Variants in CLNK observed in about 807,000 individuals in gnomAD.
CLNK encodes the protein cytokine dependent hematopoietic cell linker.
A neutral mutation model predicts 68.6 loss-of-function variants in CLNK; 74 were observed. That is an observed-to-expected ratio of 1.08 (90% CI 0.89 to 1.31). The LOEUF is 1.31. Among genes scored for constraint, CLNK ranks in the 50% most tolerant of loss-of-function variants. The pLI, the probability that CLNK is intolerant of heterozygous loss-of-function variation, is 0.00. For missense variants in CLNK, 553 were observed against 515.3 expected, an observed-to-expected ratio of 1.07 and a Z score of -0.71; for synonymous variants, 198 against 172.2, an observed-to-expected ratio of 1.15 and a Z score of -1.17.
At chr4:10,524,871 G>A (rs57271612) in intron 14 of CLNK, among the ~76,000 whole-genome samples, 7,629 of 152,170 alleles carry the variant, frequency 0.05, 462 homozygotes, top group African/African-American at 0.14. Flanking sequence ...GCATTAAGTG[G>A]CATTGTGGTT....
intron 4 of CLNK, among the ~76,000 whole-genome samples, chr4:10,576,262 C>T (rs769539929): frequency 6.6e-6 from 1 of 152,158 alleles, no homozygotes; most frequent in Non-Finnish European, 1.5e-5. Flanking sequence ...CTTCCTGGAC[C>T]TGAAAGACAG....
At chr4:10,637,438 G>GTTTTTTTTTT (rs11396379) in intron 2 of CLNK, among the ~76,000 whole-genome samples, 2 of 124,162 alleles carry the variant, frequency 1.6e-5, no homozygotes, top group Non-Finnish European at 3.3e-5. Flanking sequence ...AATAAAAAAA[G>GTTTTTTTTTT]TTTTTTTTTT....
chr4:10,676,289 C>T (rs964122835), intron 1 of CLNK, among the ~76,000 whole-genome samples: 2 of 151,946 alleles, frequency 1.3e-5, no homozygotes, highest in African/African-American at 4.8e-5. Flanking sequence ...TTCTATACCC[C>T]AGTCAGATCA....
intron 12 of CLNK, among the ~76,000 whole-genome samples, chr4:10,528,951 A>C (rs1490428949): frequency 6.6e-6 from 1 of 152,044 alleles, no homozygotes; most frequent in East Asian, 1.9e-4. Flanking sequence ...ATCATCCTTC[A>C]TTATGGAAAT....
chr4:10,580,356 T>G (rs897006604), intron 4 of CLNK, among the ~76,000 whole-genome samples: 7 of 152,232 alleles, frequency 4.6e-5, no homozygotes, highest in African/African-American at 1.4e-4. Flanking sequence ...TTTGAGTGTT[T>G]ACTATATCAT....
chr4:10,535,409 C>A (rs924301538), intron 11 of CLNK, among the ~76,000 whole-genome samples: 9 of 152,074 alleles, frequency 5.9e-5, no homozygotes, highest in Non-Finnish European at 1.2e-4. Context: ...AATGAACCCT[C>A]GATTTCTTAA....
At chr4:10,560,404 TC>T (rs1719841182) in intron 7 of CLNK, among the ~76,000 whole-genome samples, 1 of 152,070 alleles carries the variant, frequency 6.6e-6, no homozygotes, top group African/African-American at 2.4e-5. Context: ...TTATTGAAGA[TC>T]CATTTCTTTT....
At chr4:10,520,655 G>A (rs1361556566) in intron 15 of CLNK, 136 bp downstream of exon 15, 17 of 607,342 alleles carry the variant, frequency 2.8e-5, no homozygotes, top group Non-Finnish European at 4.7e-5. Context: ...TCATAGTAAC[G>A]CAATGGAAAT....
chr4:10,701,779 G>A, the CLNK span, among the ~76,000 whole-genome samples: 9 of 152,120 alleles, frequency 5.9e-5, no homozygotes, highest in African/African-American at 1.7e-4. Flanking sequence ...ATATGGGGTC[G>A]CCAAACAAGT....
intron 2 of CLNK, among the ~76,000 whole-genome samples, chr4:10,633,638 C>G (rs1330751327): frequency 6.6e-6 from 1 of 152,204 alleles, no homozygotes; most frequent in Non-Finnish European, 1.5e-5. Context: ...CTCCAAAGAG[C>G]AAGAATTCTG....
rs567108234 is a variant in CLNK, at chr4:10,655,367, A to G, written c.11+12492T>C. 2.6e-5 allele frequency among the ~76,000 whole-genome samples: 4 copies of G among 151,158 alleles called. No individual in the cohort carries two copies. The South Asian group carries it at 8.4e-4, about 32-fold the overall frequency. ...GAGAGAGAGAGAGAGAGAGAGAGAG[A>G]GAGAGAGAAAGCGAGAGAGTGTGTG... On this transcript the variant is annotated intron_variant, in intron 2 of 18. Coordinates refer to ENST00000226951, the MANE Select transcript of CLNK (RefSeq NM_052964.4).
In CLNK at chr4:10,490,346, T is replaced by G; in HGVS notation, c.*121A>C. The G allele has an allele frequency of 9.3e-7, 1 of 1,071,914 alleles. No homozygotes were observed. Among genetic ancestry groups the G allele is most frequent in the South Asian group, 1.8e-5 (1 of 54,912 alleles). 66.4% of individuals were successfully genotyped at this position (1,071,914 alleles called of 1,614,324 possible). ...ATTTTCCACTCTCTGTTATAGAGTGTTTTTCTTTTCTCCAAAGTTAAAAAA... is the reference window on the plus strand; with the variant it reads ...ATTTTCCACTCTCTGTTATAGAGTGGTTTTCTTTTCTCCAAAGTTAAAAAA... On this transcript the variant is annotated 3_prime_UTR_variant, in exon 19 of 19. Coordinates refer to ENST00000226951, the MANE Select transcript of CLNK (RefSeq NM_052964.4).
At chr4:10,561,635 T>G (rs944873881) in intron 7 of CLNK, among the ~76,000 whole-genome samples, 4 of 152,192 alleles carry the variant, frequency 2.6e-5, no homozygotes, top group African/African-American at 7.2e-5. Flanking sequence ...TGGTCCAATC[T>G]CTCTGGAATT....
At chr4:10,565,646 C>G (rs1029070189) in intron 6 of CLNK, among the ~76,000 whole-genome samples, 2 of 152,074 alleles carry the variant, frequency 1.3e-5, no homozygotes, top group African/African-American at 4.8e-5. Flanking sequence ...GCTGCTGCAT[C>G]CCTGCTTGTC....
intron 2 of CLNK, among the ~76,000 whole-genome samples, chr4:10,599,689 T>C (rs2720367): frequency 0.96 from 145,487 of 152,226 alleles, 69,666 homozygotes; most frequent in East Asian, 1. Flanking sequence ...TGGGTGCTAA[T>C]CTTGAGTCTT....
At chr4:10,649,059 C>T (rs1723628086) in intron 2 of CLNK, among the ~76,000 whole-genome samples, 1 of 152,098 alleles carries the variant, frequency 6.6e-6, no homozygotes, top group African/African-American at 2.4e-5. Context: ...TTGAAGGTGC[C>T]TTTGTAAAAC....
In CLNK at chr4:10,501,382, G is replaced by A; in HGVS notation, c.1014C>T (p.Ser338=). The A allele has an allele frequency of 6.2e-7, 1 of 1,609,666 alleles. No individual in the cohort carries two copies. The highest frequency in any genetic ancestry group is 8.5e-7 in the Non-Finnish European group (1 of 1,178,648). Residue 338 remains serine (S), a synonymous_variant, in exon 18 of 19, where the codon TCC becomes TCT. Transcript: ENST00000226951. ...KDGSFLVRDC[S]TKSKEEPYVL... ...CATAGGGCTCTTCCTTGGATTTTGT[G>A]GAACAATCTCGGACCAAGAAACTAC...
At chr4:10,672,168 G>A (rs991950523) in intron 1 of CLNK, among the ~76,000 whole-genome samples, 1 of 152,188 alleles carries the variant, frequency 6.6e-6, no homozygotes, top group African/African-American at 2.4e-5. Flanking sequence ...CAGACTACGA[G>A]GAAGTGGGGG....
chr4:10,614,196 T>A (rs1044986235), intron 2 of CLNK, among the ~76,000 whole-genome samples: 4 of 152,238 alleles, frequency 2.6e-5, no homozygotes, highest in Non-Finnish European at 5.9e-5. Context: ...GATGTCTGCA[T>A]GGAGCCTGCT....
Sources: allele counts gnomAD v4.1 joint callset (sites outside exome capture counted in the v4.1 genomes callset), GRCh38; gene constraint gnomAD v4.1.1; transcripts MANE v1.5; gene names NCBI Gene and HGNC (gene_info 2026-07-23, HGNC 2026-07-21).